The following ADAMTS19 variants were observed in gnomAD, a reference collection of about 807,000 sequenced individuals.
ADAMTS19 encodes the protein ADAM metallopeptidase with thrombospondin type 1 motif 19, also known as A disintegrin and metalloproteinase with thrombospondin motifs 19.
ADAMTS19 carries 93 observed loss-of-function variants against 153.3 expected under a neutral mutation model. The ratio of observed to expected loss-of-function variants is 0.61; its 90% CI spans 0.51 to 0.72. The LOEUF is 0.72. ADAMTS19 is among the 30% of genes least tolerant of loss of function. The pLI, the probability that ADAMTS19 is intolerant of heterozygous loss-of-function variation, is 0.00. For missense variants in ADAMTS19, 1,482 were observed against 1,552.1 expected, an observed-to-expected ratio of 0.95 and a Z score of 0.76; for synonymous variants, 600 against 556.6, an observed-to-expected ratio of 1.08 and a Z score of -1.10.
rs979875222 is a variant in ADAMTS19 at position 129,461,351 on chromosome 5, C to T, written c.341C>T (p.Pro114Leu). Residue 114 changes from proline to leucine, a missense_variant, in exon 2 of 23, where the codon CCG becomes CTG. By Grantham distance (98) the Pro-to-Leu change is moderately conservative. Transcript: ENST00000274487. This position sits in a 1 kb window ranked among gnomAD's most constrained non-coding sequence, Gnocchi z 4.6. The part of the protein sequence containing the change: ...RSESRLRPPP[P>L]SEGEEDEELE... Reference sequence around the variant, plus strand: ...GAGTCCCGGCTCCGGCCCCCGCCGCCGTCGGAGGGTGAGGAGGACGAGGAG... The same window carrying T: ...GAGTCCCGGCTCCGGCCCCCGCCGCTGTCGGAGGGTGAGGAGGACGAGGAG... 2.2e-6 allele frequency: 3 copies of T among 1,333,550 alleles called. No homozygotes were observed. Among genetic ancestry groups the T allele is most frequent in the East Asian group, 3.1e-5 (1 of 32,360 alleles). The allele number at this position is 1,333,550 out of a possible 1,614,324, so 82.6% of individuals were successfully genotyped here.
intron 2 of ADAMTS19, among the ~76,000 whole-genome samples, chr5:129,475,059 T>C (rs567392150): frequency 4.6e-5 from 7 of 152,214 alleles, no homozygotes; most frequent in Admixed American, 1.3e-4. Flanking sequence ...CTTAATGGTA[T>C]CTTTTAAGGC....
intron 7 of ADAMTS19, among the ~76,000 whole-genome samples, chr5:129,565,068 A>G (rs1225131642): frequency 6.6e-6 from 1 of 152,216 alleles, no homozygotes; most frequent in Non-Finnish European, 1.5e-5. Flanking sequence ...TTAAGATATT[A>G]AACACACTAA....
chr5:129,632,351 A>ATG (rs1479119027), intron 10 of ADAMTS19, among the ~76,000 whole-genome samples: 2 of 151,990 alleles, frequency 1.3e-5, no homozygotes, highest in African/African-American at 4.8e-5. Context: ...GTCATGATAT[A>ATG]TATATATAGA....
At chr5:129,552,068 C>T (rs1753142023) in intron 7 of ADAMTS19, among the ~76,000 whole-genome samples, 161 bp downstream of exon 7, 1 of 151,810 alleles carries the variant, frequency 6.6e-6, no homozygotes. Flanking sequence ...GTCAGCACTT[C>T]AGTGTAAAAG....
chr5:129,493,338 G>A (rs550365789), intron 2 of ADAMTS19, among the ~76,000 whole-genome samples: 29 of 152,004 alleles, frequency 1.9e-4, no homozygotes, highest in Non-Finnish European at 3.8e-4. Flanking sequence ...TTCCACGCCC[G>A]TTTCTCTACT....
intron 6 of ADAMTS19, among the ~76,000 whole-genome samples, chr5:129,545,568 T>C (rs1357305196): frequency 6.6e-6 from 1 of 151,904 alleles, no homozygotes; most frequent in Non-Finnish European, 1.5e-5. Context: ...CCAAAGAAGA[T>C]AAATAAAAAC....
intron 21 of ADAMTS19, among the ~76,000 whole-genome samples, chr5:129,712,647 G>C (rs1422431240): frequency 6.6e-6 from 1 of 151,850 alleles, no homozygotes; most frequent in East Asian, 1.9e-4. Context: ...ATTGCCACTA[G>C]ATATACAAAA....
chr5:129,648,993 C>G, intron 13 of ADAMTS19, 23 bp downstream of exon 13: 1 of 1,541,810 alleles, frequency 6.5e-7, no homozygotes, highest in South Asian at 1.3e-5. Context: ...AGATCACCAC[C>G]ATCTTTGTTA....
At chr5:129,560,670 G>C (rs1383362381) in intron 7 of ADAMTS19, among the ~76,000 whole-genome samples, 1 of 152,158 alleles carries the variant, frequency 6.6e-6, no homozygotes, top group Admixed American at 6.5e-5. Flanking sequence ...CTCACTGCTG[G>C]AAGTAGAATT....
At position 129,639,991 on chromosome 5, in the gene ADAMTS19, A is replaced by G. The variant is rs79137518; in HGVS notation, c.1771-1868A>G. The stretch of plus-strand genomic sequence containing the variant: ...GTTTAAAATATTACAAAGGGGCAAT[A>G]TGATTTATAGGCATTCTTTACAATA... On this transcript the variant is annotated intron_variant, in intron 10 of 22. Coordinates refer to ENST00000274487, the MANE Select transcript of ADAMTS19 (RefSeq NM_133638.6). 4.3e-3 allele frequency among the ~76,000 whole-genome samples: 659 copies of G among 152,292 alleles called. 4 individuals are homozygous for G. Among genetic ancestry groups the G allele is most frequent in the East Asian group, 0.026 (133 of 5,180 alleles).
chr5:129,665,975 T>G (rs1244642163), intron 16 of ADAMTS19, among the ~76,000 whole-genome samples: 1 of 148,380 alleles, frequency 6.7e-6, no homozygotes, highest in Non-Finnish European at 1.5e-5. Flanking sequence ...ATAAATGAAT[T>G]TATGTATATA....
intron 3 of ADAMTS19, among the ~76,000 whole-genome samples, chr5:129,515,111 T>G (rs986628940): frequency 6.6e-6 from 1 of 152,060 alleles, no homozygotes; most frequent in Admixed American, 6.6e-5. Flanking sequence ...GTATGTGGAT[T>G]TGTTTCTTTG....
chr5:129,699,609 G>A (rs949549547), intron 19 of ADAMTS19, among the ~76,000 whole-genome samples: 4 of 152,036 alleles, frequency 2.6e-5, no homozygotes, highest in African/African-American at 4.8e-5. Flanking sequence ...CTAATAAGTC[G>A]TGTGAGTGCT....
At chr5:129,608,698 G>A (rs1473111506) in intron 8 of ADAMTS19, among the ~76,000 whole-genome samples, 2 of 152,012 alleles carry the variant, frequency 1.3e-5, no homozygotes, top group African/African-American at 4.8e-5. Context: ...AAGTCAGGCG[G>A]ATCACTTGAG....
At chr5:129,602,826 CTGTGTGTG>C (rs56060749) in intron 8 of ADAMTS19, among the ~76,000 whole-genome samples, 212 of 146,714 alleles carry the variant, frequency 1.4e-3, no homozygotes, top group South Asian at 9.8e-3. Context: ...CTTATATTCT[CTGTGTGTG>C]TGTGTGTGTG....
At chr5:129,668,398 C>T (rs1754147940) in intron 16 of ADAMTS19, among the ~76,000 whole-genome samples, 1 of 152,118 alleles carries the variant, frequency 6.6e-6, no homozygotes, top group South Asian at 2.1e-4. Context: ...ATGTATTGCT[C>T]ATAGTTCTGG....
At chr5:129,687,743 T>C (rs1036799882) in intron 18 of ADAMTS19, among the ~76,000 whole-genome samples, 3 of 152,192 alleles carry the variant, frequency 2.0e-5, no homozygotes, top group African/African-American at 7.2e-5. Context: ...CTGCTCATCA[T>C]ACTGCCTTCA....
intron 21 of ADAMTS19, among the ~76,000 whole-genome samples, chr5:129,708,501 A>T (rs1756270937): frequency 7.8e-6 from 1 of 128,638 alleles, no homozygotes; most frequent in South Asian, 2.4e-4. Context: ...ATGAAATGAC[A>T]TTTTTTTTTT....
intron 10 of ADAMTS19, among the ~76,000 whole-genome samples, chr5:129,639,644 T>C (rs1295580325): frequency 6.6e-6 from 1 of 152,190 alleles, no homozygotes; most frequent in Non-Finnish European, 1.5e-5. Flanking sequence ...GCAAGCATTA[T>C]TCCAAAACTA....
Sources: gnomAD v4.1 joint callset for allele counts (sites outside exome capture counted in the v4.1 genomes callset) on GRCh38, gnomAD v4.1.1 for gene constraint, Gnocchi (gnomAD v3.1) non-coding constraint, MANE v1.5 for transcripts, NCBI Gene and HGNC (gene_info 2026-07-23, HGNC 2026-07-21) for gene names.